The following CARMIL1 variants were observed in gnomAD, a reference collection of about 807,000 sequenced individuals.
CARMIL1 encodes F-actin-uncapping protein LRRC16A.
In CARMIL1, 90 loss-of-function variants were observed where a neutral mutation model predicts 177.1. The ratio of observed to expected loss-of-function variants is 0.51; its 90% CI spans 0.43 to 0.61. The LOEUF (loss-of-function observed/expected upper bound fraction) is 0.61. CARMIL1 is among the 20% of genes least tolerant of loss of function. CARMIL1 has a pLI of 0.00. For missense variants in CARMIL1, 1,380 were observed against 1,667.0 expected (o/e 0.83, Z 3.00); for synonymous variants, 577 against 606.2 (o/e 0.95, Z 0.71).
intron 26 of CARMIL1, among the ~76,000 whole-genome samples, chr6:25,545,847 T>G (rs1409131809): frequency 6.6e-6 from 1 of 152,152 alleles, no homozygotes; most frequent in African/African-American, 2.4e-5. Context: ...ATATAAGGAA[T>G]TAAACAGTAA....
At chr6:25,412,486 C>T (rs1332078169) in intron 2 of CARMIL1, among the ~76,000 whole-genome samples, 5 of 152,158 alleles carry the variant, frequency 3.3e-5, no homozygotes, top group Non-Finnish European at 5.9e-5. Context: ...GAGGCTGAGA[C>T]CAGAGGATTA....
intron 2 of CARMIL1, among the ~76,000 whole-genome samples, chr6:25,401,077 C>T (rs917900618): frequency 7.2e-5 from 11 of 152,056 alleles, no homozygotes; most frequent in African/African-American, 2.7e-4. Flanking sequence ...GTACTTTTAT[C>T]TCCATATATA....
intron 1 of CARMIL1, among the ~76,000 whole-genome samples, chr6:25,283,806 C>T (rs534090366): frequency 1.1e-4 from 17 of 152,206 alleles, no homozygotes; most frequent in African/African-American, 3.4e-4. Flanking sequence ...CTCCACCTCT[C>T]GGTTTCAAGC....
chr6:25,473,960 A>G (rs1801297745), intron 11 of CARMIL1, among the ~76,000 whole-genome samples: 1 of 152,166 alleles, frequency 6.6e-6, no homozygotes, highest in Non-Finnish European at 1.5e-5. Context: ...TGAGAATTTG[A>G]ATTCTTAGTA....
chr6:25,307,467 T>G (rs924885904), intron 2 of CARMIL1, among the ~76,000 whole-genome samples: 1 of 152,364 alleles, frequency 6.6e-6, no homozygotes, highest in East Asian at 1.9e-4. Context: ...TGTTTGTTGA[T>G]AAATTGATTA....
intron 29 of CARMIL1, among the ~76,000 whole-genome samples, chr6:25,568,137 C>G (rs1349557895): frequency 6.6e-6 from 1 of 152,172 alleles, no homozygotes; most frequent in Non-Finnish European, 1.5e-5. Flanking sequence ...CACTTGGAAA[C>G]TGGACCAAAA....
intron 2 of CARMIL1, among the ~76,000 whole-genome samples, chr6:25,407,229 G>A (rs1794457863): frequency 6.6e-6 from 1 of 152,158 alleles, no homozygotes; most frequent in East Asian, 1.9e-4. Flanking sequence ...GGGCTCAAAG[G>A]GTAGAGACAG....
chr6:25,369,465 A>G (rs141530280), intron 2 of CARMIL1, among the ~76,000 whole-genome samples: 39 of 150,510 alleles, frequency 2.6e-4, no homozygotes, highest in African/African-American at 8.1e-4. Flanking sequence ...CCGTTTCCAC[A>G]TTGCTTGGCT....
rs1431952836 is a variant in CARMIL1 at position 25,416,877 on chromosome 6, T to C, written c.139-3237T>C. ...GAGTTTTAGGATTTGTCTGTTATTT[T>C]ACCTCTATGCAGAGGTTTTGTGGAC... is the stretch of plus-strand genomic sequence containing the variant. On this transcript the variant is annotated intron_variant, in intron 2 of 36. Coordinates refer to ENST00000329474, the MANE Select transcript of CARMIL1 (RefSeq NM_017640.6). Among the ~76,000 whole-genome samples the C allele has an allele frequency of 2.0e-5, 3 of 152,210 alleles. No homozygotes were observed. The East Asian group carries it at 5.8e-4, about 29-fold the overall frequency.
intron 31 of CARMIL1, among the ~76,000 whole-genome samples, chr6:25,584,147 C>T (rs1813412376): frequency 6.6e-6 from 1 of 150,782 alleles, no homozygotes; most frequent in South Asian, 2.1e-4. Context: ...AATCTTCCCA[C>T]CTCAGCCTCC....
At chr6:25,571,998 G>A (rs549915952) in intron 29 of CARMIL1, among the ~76,000 whole-genome samples, 13 of 152,302 alleles carry the variant, frequency 8.5e-5, no homozygotes, top group African/African-American at 3.1e-4. Flanking sequence ...GCACTTGAGG[G>A]ACAGTTGGGG....
At chr6:25,428,212 AT>A (rs1402893099) in intron 4 of CARMIL1, among the ~76,000 whole-genome samples, 4 of 151,724 alleles carry the variant, frequency 2.6e-5, no homozygotes, top group African/African-American at 4.8e-5. Context: ...ATAGATCAAA[AT>A]TTTTTTTTAG....
chr6:25,517,257 A>T, intron 21 of CARMIL1, 90 bp from the exon 22 acceptor site: 1 of 897,934 alleles, frequency 1.1e-6, no homozygotes, highest in South Asian at 1.4e-5. Context: ...TGAAATATCT[A>T]CACACTGCTG....
chr6:25,456,727 C>T (rs959144570), intron 8 of CARMIL1, among the ~76,000 whole-genome samples: 6 of 152,134 alleles, frequency 3.9e-5, no homozygotes, highest in Non-Finnish European at 7.3e-5. Flanking sequence ...ATCGATTTCT[C>T]GTGTTCCTGA....
rs115089910 is a variant in CARMIL1 at position 25,443,250 on chromosome 6, T to G, written c.372-6648T>G. 4.1e-3 allele frequency among the ~76,000 whole-genome samples: 622 copies of G among 152,358 alleles called. 5 individuals are homozygous for G. The highest frequency in any genetic ancestry group is 0.013 in the African/African-American group (560 of 41,582). ...CATAATATCTGCTTCATTGTCTTGA[T>G]GTAGACAGAATATAATGCCATTAAA... On this transcript the variant is annotated intron_variant, in intron 5 of 36. Coordinates refer to ENST00000329474, the MANE Select transcript of CARMIL1 (RefSeq NM_017640.6).
chr6:25,526,270 G>T (rs934264092), intron 23 of CARMIL1, among the ~76,000 whole-genome samples: 1 of 151,980 alleles, frequency 6.6e-6, no homozygotes, highest in Non-Finnish European at 1.5e-5. Flanking sequence ...GTGAACCCGG[G>T]GGGTGGAGCT....
intron 2 of CARMIL1, among the ~76,000 whole-genome samples, chr6:25,300,737 G>A (rs901474178): frequency 6.6e-6 from 1 of 152,196 alleles, no homozygotes; most frequent in Non-Finnish European, 1.5e-5. Context: ...GGAGCCCTGC[G>A]ATCTGTTTTA....
intron 32 of CARMIL1, among the ~76,000 whole-genome samples, chr6:25,599,737 G>T (rs1815208247): frequency 6.6e-6 from 1 of 152,158 alleles, no homozygotes. Context: ...TTTCAGGCTG[G>T]CTAAAGGGGT....
intron 2 of CARMIL1, among the ~76,000 whole-genome samples, chr6:25,287,932 TC>T (rs1037263638): frequency 6.6e-6 from 1 of 152,208 alleles, no homozygotes; most frequent in Non-Finnish European, 1.5e-5. Context: ...ACCTGCTGTG[TC>T]CCAGGCACAT....
Sources: allele counts gnomAD v4.1 joint callset (sites outside exome capture counted in the v4.1 genomes callset), GRCh38; gene constraint gnomAD v4.1.1; transcripts MANE v1.5; gene names NCBI Gene and HGNC (gene_info 2026-07-23, HGNC 2026-07-21).